The following ICA1 variants were observed in gnomAD, a reference collection of about 807,000 sequenced individuals.
ICA1 encodes islet cell autoantigen 1.
Under a neutral mutation model 71.0 loss-of-function variants are expected in ICA1, and 40 were observed. The ratio of observed to expected loss-of-function variants is 0.56; its 90% CI spans 0.44 to 0.73. The LOEUF (loss-of-function observed/expected upper bound fraction) is 0.73, where lower values mean the gene tolerates loss of function less well. Ranked by LOEUF, ICA1 falls within the 30% of genes least tolerant of loss-of-function variation. The pLI, the probability that ICA1 is intolerant of heterozygous loss-of-function variation, is 0.00. For missense variants in ICA1, 578 were observed against 576.5 expected, an observed-to-expected ratio of 1.00 and a Z score of -0.03; for synonymous variants, 207 against 209.5, an observed-to-expected ratio of 0.99 and a Z score of 0.10.
chr7:8,176,579 G>T (rs1428884267), intron 6 of ICA1, among the ~76,000 whole-genome samples: 1 of 152,214 alleles, frequency 6.6e-6, no homozygotes, highest in African/African-American at 2.4e-5. Context: ...CTCGTGGGCA[G>T]CAGGCATGCA....
chr7:8,185,428 A>G (rs771001301), intron 6 of ICA1, among the ~76,000 whole-genome samples: 17 of 152,316 alleles, frequency 1.1e-4, no homozygotes, highest in Non-Finnish European at 1.9e-4. Context: ...TCATCAACGA[A>G]TGATTATGCT....
intron 6 of ICA1, among the ~76,000 whole-genome samples, chr7:8,176,584 C>G (rs1780701264): frequency 6.6e-6 from 1 of 152,188 alleles, no homozygotes; most frequent in Non-Finnish European, 1.5e-5. Context: ...GGGCAGCAGG[C>G]ATGCACAACA....
chr7:8,192,257 G>GT (rs1046165243), intron 6 of ICA1, among the ~76,000 whole-genome samples: 20 of 152,238 alleles, frequency 1.3e-4, no homozygotes, highest in African/African-American at 3.9e-4. Context: ...CAGTTGTCAT[G>GT]TTTTTTCAGT....
At chr7:8,160,667 T>C (rs1803428643) in intron 6 of ICA1, among the ~76,000 whole-genome samples, 2 of 152,236 alleles carry the variant, frequency 1.3e-5, no homozygotes, top group Admixed American at 6.5e-5. Context: ...TCTATAGCTA[T>C]GTCAAAACTG....
chr7:8,200,680 T>C (rs553998177), intron 6 of ICA1, among the ~76,000 whole-genome samples: 1 of 152,208 alleles, frequency 6.6e-6, no homozygotes, highest in Non-Finnish European at 1.5e-5. Flanking sequence ...TAGACTGTAG[T>C]TGACTACTGA....
intron 13 of ICA1, among the ~76,000 whole-genome samples, chr7:8,117,662 G>C (rs1235129456): frequency 1.3e-5 from 2 of 152,176 alleles, no homozygotes; most frequent in Admixed American, 1.3e-4. Context: ...TGGGATCATT[G>C]TGCTTAAAAC....
At chr7:8,114,380 AT>A (rs1784116122) in intron 13 of ICA1, among the ~76,000 whole-genome samples, 1 of 152,246 alleles carries the variant, frequency 6.6e-6, no homozygotes, top group Non-Finnish European at 1.5e-5. Flanking sequence ...TAGCATAGTT[AT>A]TTCAGAAATC....
intron 6 of ICA1, among the ~76,000 whole-genome samples, chr7:8,201,374 G>A (rs1172420865): frequency 6.6e-6 from 1 of 152,164 alleles, no homozygotes; most frequent in African/African-American, 2.4e-5. Context: ...GGTATGATGG[G>A]GTTAATGACA....
chr7:8,153,616 G>A lies in ICA1; in HGVS notation c.804+3500C>T, dbSNP rs568876570. Among the ~76,000 whole-genome samples the A allele has an allele frequency of 1.6e-3, 243 of 152,098 alleles. 2 individuals carry two copies. Among genetic ancestry groups the A allele is most frequent in the Non-Finnish European group, 2.4e-3 (163 of 67,996 alleles). On this transcript the variant is annotated intron_variant, in intron 8 of 13. Coordinates refer to ENST00000402384, the MANE Select transcript of ICA1 (RefSeq NM_001136020.3). ...CTCAGTGTTGGTAATTTAAGATAGG[G>A]TACTGCTCTCCTAACAAGACAGAAT...
intron 6 of ICA1, among the ~76,000 whole-genome samples, chr7:8,162,624 T>C (rs1261125981): frequency 6.6e-6 from 1 of 152,214 alleles, no homozygotes; most frequent in Non-Finnish European, 1.5e-5. Context: ...TTATATTCTA[T>C]TACATAAATA....
intron 5 of ICA1, 82 bp downstream of exon 5, chr7:8,221,191 ACT>A (rs1491217207): frequency 1.3e-6 from 2 of 1,553,762 alleles, no homozygotes; most frequent in African/African-American, 2.7e-5. Flanking sequence ...TCTAAAGAAC[ACT>A]GTGAGATTCC....
At chr7:8,184,210 T>G (rs531529108) in intron 6 of ICA1, among the ~76,000 whole-genome samples, 1 of 152,326 alleles carries the variant, frequency 6.6e-6, no homozygotes, top group African/African-American at 2.4e-5. Context: ...TCAGGTGCAT[T>G]TTGAAGTGCT....
rs939970038 is a variant in ICA1 at position 8,253,141 on chromosome 7, C to T, written c.-80+8953G>A. On this transcript the variant is annotated intron_variant, in intron 1 of 13. Coordinates refer to ENST00000402384, the MANE Select transcript of ICA1 (RefSeq NM_001136020.3). Reference sequence around the variant, plus strand: ...AGGCATCAAACAAATCAAAAAAGAGCTAGAAATTAATTCTATAACTTCGGT... The same window carrying T: ...AGGCATCAAACAAATCAAAAAAGAGTTAGAAATTAATTCTATAACTTCGGT... Among the ~76,000 whole-genome samples, 5 of 152,218 alleles carry T rather than the reference C, an allele frequency of 3.3e-5. No homozygotes were observed. In the South Asian group the frequency reaches 1.0e-3, roughly 31 times the overall value.
At chr7:8,120,828 G>A (rs763825122) in intron 13 of ICA1, among the ~76,000 whole-genome samples, 2 of 152,226 alleles carry the variant, frequency 1.3e-5, no homozygotes, top group Non-Finnish European at 2.9e-5. Context: ...GAAGCCAAAG[G>A]ACACCGCCCA....
chr7:8,167,276 T>C (rs57651323), intron 6 of ICA1, among the ~76,000 whole-genome samples: 16,273 of 152,182 alleles, frequency 0.11, 1,569 homozygotes, highest in African/African-American at 0.25. Flanking sequence ...ATATGCACCA[T>C]AGCATACTAC....
At chr7:8,209,159 G>A (rs1176174037) in intron 6 of ICA1, among the ~76,000 whole-genome samples, 1 of 152,152 alleles carries the variant, frequency 6.6e-6, no homozygotes, top group African/African-American at 2.4e-5. Context: ...TTTGTCCAGA[G>A]TCCACTCTGA....
In ICA1 at chr7:8,195,542, C is replaced by CAAAACAAAAACA. The variant is rs58143077; in HGVS notation, c.579+22751_579+22762dup. Among the ~76,000 whole-genome samples the CAAAACAAAAACA allele has an allele frequency of 8.7e-3, 1,297 of 149,506 alleles. 23 individuals are homozygous for CAAAACAAAAACA. The highest frequency in any genetic ancestry group is 0.062 in the East Asian group (314 of 5,040). ...GGGCAACAAGAGTGAAACTCTATCT[C>CAAAACAAAAACA]AAAACAAAAACAAAAACAAAAACAA... On this transcript the variant is annotated intron_variant, in intron 6 of 13. Coordinates refer to ENST00000402384, the MANE Select transcript of ICA1 (RefSeq NM_001136020.3).
chr7:8,197,242 C>T (rs1393874299), intron 6 of ICA1, among the ~76,000 whole-genome samples: 1 of 151,270 alleles, frequency 6.6e-6, no homozygotes, highest in Admixed American at 6.6e-5. Flanking sequence ...AAAATGTCTA[C>T]CATTTGCCAA....
chr7:8,175,780 T>C (rs2128243787), intron 6 of ICA1, among the ~76,000 whole-genome samples: 1 of 152,288 alleles, frequency 6.6e-6, no homozygotes, highest in Non-Finnish European at 1.5e-5. Context: ...CATGGTCATT[T>C]TCTAGGAATA....
Sources: allele counts gnomAD v4.1 joint callset (sites outside exome capture counted in the v4.1 genomes callset), GRCh38; gene constraint gnomAD v4.1.1; transcripts MANE v1.5; gene names NCBI Gene and HGNC (gene_info 2026-07-23, HGNC 2026-07-21).